The following WDSUB1 variants were observed in gnomAD, a reference collection of about 807,000 sequenced individuals.
The protein encoded by WDSUB1 is WD repeat, SAM and U-box domain-containing protein 1.
In WDSUB1, 49 loss-of-function variants were observed where a neutral mutation model predicts 53.9. That is an observed-to-expected ratio of 0.91 (90% confidence interval 0.72 to 1.15). The LOEUF (loss-of-function observed/expected upper bound fraction) is 1.15, where lower values mean the gene tolerates loss of function less well. WDSUB1 is among the 50% of genes most tolerant of loss of function. WDSUB1 has a pLI of 0.00. For synonymous variants in WDSUB1, 194 were observed against 200.6 expected (o/e 0.97, Z 0.28); for missense variants, 514 against 562.0 (o/e 0.91, Z 0.86).
intron 5 of WDSUB1, among the ~76,000 whole-genome samples, chr2:159,263,612 G>A (rs1008469244): frequency 2.0e-5 from 3 of 152,126 alleles, no homozygotes; most frequent in African/African-American, 7.2e-5. Context: ...AGGACATGAA[G>A]CCCTCAGACT....
Position 159,257,847 on chromosome 2 carries a change from G to T in WDSUB1, c.863C>A (p.Ala288Asp). The part of the protein sequence containing the change: ...TQHTRYVTTC[A>D]FAPNTLLLAT... ...AAGTAAAAGGGTATTAGGTGCAAAA[G>T]CACAAGTTGTGACATACCTAGTTAA... The change falls in exon 8 of 11, where the codon GCT (alanine) becomes GAT (aspartate). Residue 288 changes from alanine (A) to aspartate (D), a missense_variant. Transcript: ENST00000359774. 6.2e-7 allele frequency: 1 copy of T among 1,614,106 alleles called. No homozygotes were observed. The highest frequency in any genetic ancestry group is 8.5e-7 in the Non-Finnish European group (1 of 1,179,970).
intron 8 of WDSUB1, 121 bp from the exon 9 acceptor site, chr2:159,256,496 G>C (rs2061066168): frequency 1.0e-6 from 1 of 996,524 alleles, no homozygotes; most frequent in Non-Finnish European, 1.4e-6. Context: ...TAGGTACAGT[G>C]GCTCATGCCT....
At chr2:159,261,896 A>ATTTT (rs869067609) in intron 5 of WDSUB1, among the ~76,000 whole-genome samples, 1 of 22,628 alleles carries the variant, frequency 4.4e-5, no homozygotes, top group African/African-American at 2.8e-4. Context: ...ATATATATAT[A>ATTTT]TTTTTTTTTT....
intron 9 of WDSUB1, among the ~76,000 whole-genome samples, chr2:159,250,106 A>AAAAAAAAAAAAG (rs1559535180): frequency 6.1e-5 from 9 of 148,748 alleles, no homozygotes; most frequent in African/African-American, 2.3e-4. Flanking sequence ...AAAAAAAAAA[A>AAAAAAAAAAAAG]AGAAGGGAAG....
intron 10 of WDSUB1, among the ~76,000 whole-genome samples, chr2:159,242,839 T>C (rs1227706151): frequency 1.4e-5 from 2 of 147,824 alleles, no homozygotes; most frequent in Non-Finnish European, 2.9e-5. Flanking sequence ...TTTAAAAGTA[T>C]GAATAAAAAT....
chr2:159,242,270 G>T lies in WDSUB1; in HGVS notation c.1274-6080C>A, dbSNP rs1002434114. On this transcript the variant is annotated intron_variant, in intron 10 of 10. Transcript: ENST00000359774. The stretch of plus-strand genomic sequence containing the variant: ...GACGGGGTTTTACCGTGTTAGCCAG[G>T]ATGGTCTCGCTCTCCTGACCTCATG... 1.3e-3 allele frequency among the ~76,000 whole-genome samples: 191 copies of T among 145,832 alleles called. 6 individuals carry two copies. The highest frequency in any genetic ancestry group is 2.7e-3 in the Admixed American group (41 of 15,074).
chr2:159,280,646 C>A (rs984777361), intron 2 of WDSUB1, among the ~76,000 whole-genome samples: 10 of 131,178 alleles, frequency 7.6e-5, no homozygotes, highest in Non-Finnish European at 1.6e-4. Flanking sequence ...AGCCGAGATC[C>A]CGCCACTGCA....
intron 5 of WDSUB1, among the ~76,000 whole-genome samples, chr2:159,269,343 G>C (rs1423732177): frequency 6.6e-6 from 1 of 151,882 alleles, no homozygotes; most frequent in African/African-American, 2.4e-5. Flanking sequence ...GCTAATTTTT[G>C]TATTTTTAGT....
At chr2:159,271,994 A>G (rs918308729) in intron 4 of WDSUB1, among the ~76,000 whole-genome samples, 199 bp from the exon 5 acceptor site, 1 of 152,250 alleles carries the variant, frequency 6.6e-6, no homozygotes, top group Non-Finnish European at 1.5e-5. Flanking sequence ...TCTGTTGACT[A>G]AAGAATAAAG....
At position 159,235,890 on chromosome 2, in the gene WDSUB1, G is replaced by T; in HGVS notation, c.*143C>A. 1.2e-6 allele frequency: 1 copy of T among 816,062 alleles called. No individual in the cohort carries two copies. Among genetic ancestry groups the T allele is most frequent in the Non-Finnish European group, 1.7e-6 (1 of 579,262 alleles). The allele number at this position is 816,062 out of a possible 1,614,324, so 50.6% of individuals were successfully genotyped here. A position where few individuals can be genotyped will look rare whatever the true frequency, so the allele number is the denominator to read the frequency against. ...TAAGTCCATGTGTTTTTTAAAGAAT[G>T]AAAATTGACAATTTTTATAGGTAAC... On this transcript the variant is annotated 3_prime_UTR_variant, in exon 11 of 11. Coordinates refer to ENST00000359774, the MANE Select transcript of WDSUB1 (RefSeq NM_001128212.3).
rs1179717057 is a variant in WDSUB1, at chr2:159,272,583, A to G, written c.677-788T>C. ...AACAAAGGCTAGATGGGGTAATTTC[A>G]TAACTACCAAAATTTTTAACTTTTA... On this transcript the variant is annotated intron_variant, in intron 4 of 10. Transcript: ENST00000359774. Among the ~76,000 whole-genome samples, 2 of 152,214 alleles carry G rather than the reference A, an allele frequency of 1.3e-5. 1 individual carries two copies. The highest frequency in any genetic ancestry group is 2.9e-5 in the Non-Finnish European group (2 of 68,032).
intron 10 of WDSUB1, among the ~76,000 whole-genome samples, chr2:159,247,910 A>ATATATAAATATATATATAT (rs2060846247): frequency 9.0e-4 from 16 of 17,686 alleles, no homozygotes; most frequent in Non-Finnish European, 1.7e-3. Context: ...TATATATATA[A>ATATATAAATATATATATAT]ATATATATAT....
intron 10 of WDSUB1, among the ~76,000 whole-genome samples, chr2:159,244,504 G>A (rs1038481479): frequency 2.0e-5 from 3 of 152,138 alleles, no homozygotes; most frequent in Non-Finnish European, 2.9e-5. Flanking sequence ...TGTGTAGAGA[G>A]CATCCACAGA....
chr2:159,279,815 T>C lies in WDSUB1; in HGVS notation c.529A>G (p.Lys177Glu). ...CAGGTAATTCCAAGATCATGTGCTT[T>C]TTCACTATGCAGACACCTCATTTTA... ...DDKMRCLHSE[K>E]AHDLGITCCD... The change falls in exon 3 of 11, where the codon AAA (lysine) becomes GAA (glutamate). Residue 177 changes from lysine (K) to glutamate (E), a missense_variant. Physicochemically the swap from Lys to Glu is moderately conservative, Grantham distance 56 (BLOSUM62 1). Coordinates refer to ENST00000359774, the MANE Select transcript of WDSUB1 (RefSeq NM_001128212.3). 3 of 1,609,986 alleles carry C rather than the reference T, an allele frequency of 1.9e-6. No homozygotes were observed. The highest frequency in any genetic ancestry group is 2.5e-6 in the Non-Finnish European group (3 of 1,177,242).
At position 159,279,916 on chromosome 2, in the gene WDSUB1, G is replaced by A. The variant is rs777037458; in HGVS notation, c.428C>T (p.Ala143Val). ...TCCATTAGGAGAAAATGCACATGCC[G>A]CCAAGGAGCCATCTTTAACACTACC... ...RCGSVKDGSL[A>V]ACAFSPNGSF... Residue 143 changes from alanine to valine, a missense_variant, in exon 3 of 11, where the codon GCG becomes GTG. By Grantham distance (64) the Ala-to-Val change is moderately conservative. Coordinates refer to ENST00000359774, the MANE Select transcript of WDSUB1 (RefSeq NM_001128212.3). 5.0e-6 allele frequency: 8 copies of A among 1,610,922 alleles called. No homozygotes were observed. Among genetic ancestry groups the A allele is most frequent in the East Asian group, 4.5e-5 (2 of 44,870 alleles).
chr2:159,259,722 T>C (rs1162418007), intron 6 of WDSUB1, 88 bp downstream of exon 6: 6 of 1,335,244 alleles, frequency 4.5e-6, no homozygotes, highest in Non-Finnish European at 6.1e-6. Flanking sequence ...AGAAAAAATA[T>C]ATACTTTTTC....
At chr2:159,257,494 C>T (rs967296075) in intron 8 of WDSUB1, among the ~76,000 whole-genome samples, 2 of 151,258 alleles carry the variant, frequency 1.3e-5, no homozygotes, top group East Asian at 3.9e-4. Context: ...TCAAGCGATT[C>T]TCCTGCCTCA....
intron 9 of WDSUB1, among the ~76,000 whole-genome samples, chr2:159,254,617 A>G (rs1205253965): frequency 6.6e-6 from 1 of 152,060 alleles, no homozygotes; most frequent in African/African-American, 2.4e-5. Flanking sequence ...TTGTATTTCT[A>G]TTGTTTCTAT....
chr2:159,263,715 A>C (rs2061275367), intron 5 of WDSUB1, among the ~76,000 whole-genome samples: 1 of 152,194 alleles, frequency 6.6e-6, no homozygotes, highest in Non-Finnish European at 1.5e-5. Flanking sequence ...GAATGAAAAT[A>C]AGTTTCAAAG....
Sources: gnomAD v4.1 joint callset for allele counts (sites outside exome capture counted in the v4.1 genomes callset) on GRCh38, gnomAD v4.1.1 for gene constraint, MANE v1.5 for transcripts, NCBI Gene and HGNC (gene_info 2026-07-23, HGNC 2026-07-21) for gene names.